Variants in CAST observed in about 807,000 individuals in gnomAD.
CAST encodes the protein calpastatin.
Under a neutral mutation model 119.6 loss-of-function variants are expected in CAST, and 76 were observed. The ratio of observed to expected loss-of-function variants is 0.64; its 90% CI spans 0.53 to 0.77. The LOEUF is 0.77. Ranked by LOEUF, CAST falls within the 30% of genes least tolerant of loss-of-function variation. CAST has a pLI of 0.00. For missense variants in CAST, 953 were observed against 946.5 expected, an observed-to-expected ratio of 1.01 and a Z score of -0.09; for synonymous variants, 319 against 331.6, an observed-to-expected ratio of 0.96 and a Z score of 0.41.
rs376780442 is a variant in CAST at position 96,619,856 on chromosome 5, A to G, written c.61-55683A>G. ...AGTCCTGCATCTGAAGAAACTCCTC[A>G]GTCTTAGGCAAGCCAGTATGGTGGG... On this transcript the variant is annotated intron_variant, in intron 1 of 11. Transcript: ENST00000505143. Among the ~76,000 whole-genome samples, 85 of 152,310 alleles carry G rather than the reference A, an allele frequency of 5.6e-4. No individual in the cohort carries two copies. The South Asian group carries it at 0.018, about 32-fold the overall frequency.
the CAST span, among the ~76,000 whole-genome samples, chr5:96,266,572 C>T: frequency 7.9e-5 from 12 of 152,098 alleles, no homozygotes; most frequent in Non-Finnish European, 1.5e-5. Context: ...ACTCTGTTTA[C>T]TAGAACTGAA....
At chr5:96,637,104 T>C (rs559356955) in intron 1 of CAST, among the ~76,000 whole-genome samples, 80 of 152,346 alleles carry the variant, frequency 5.3e-4, no homozygotes, top group African/African-American at 1.9e-3. Context: ...GGACAGAATA[T>C]AGTGCTCTGA....
At chr5:96,611,180 A>G (rs543245655) in intron 1 of CAST, among the ~76,000 whole-genome samples, 1 of 152,306 alleles carries the variant, frequency 6.6e-6, no homozygotes, top group African/African-American at 2.4e-5. Flanking sequence ...CAACAGAGTC[A>G]TAATAACCAA....
intron 2 of CAST, chr5:96,679,368 A>C (rs1218382901): frequency 6.6e-6 from 1 of 152,266 alleles, no homozygotes; most frequent in Non-Finnish European, 1.5e-5. Context: ...AGCCAAAGAT[A>C]AAATAACTAG....
the CAST span, among the ~76,000 whole-genome samples, chr5:96,450,875 A>G: frequency 6.6e-6 from 1 of 152,150 alleles, no homozygotes; most frequent in Non-Finnish European, 1.5e-5. Flanking sequence ...TCAATCTGGA[A>G]GCTCATTTTT....
chr5:96,603,305 G>T (rs1747190545), intron 1 of CAST, among the ~76,000 whole-genome samples: 1 of 152,170 alleles, frequency 6.6e-6, no homozygotes, highest in South Asian at 2.1e-4. Flanking sequence ...ATAACATTTA[G>T]CTTAAAAAGC....
At chr5:96,312,551 G>C in the CAST span, among the ~76,000 whole-genome samples, 1 of 152,038 alleles carries the variant, frequency 6.6e-6, no homozygotes, top group Non-Finnish European at 1.5e-5. Flanking sequence ...GTGTTTTTGA[G>C]AGGTAAGGCT....
chr5:96,421,760 A>G, the CAST span: 2 of 754,444 alleles, frequency 2.7e-6, no homozygotes, highest in African/African-American at 3.4e-5. Context: ...TGTGGTATGG[A>G]TGTTGTGCAT....
the CAST span, among the ~76,000 whole-genome samples, chr5:96,139,505 C>CATATATATATATGTGTATATATAT: frequency 1.5e-4 from 21 of 140,662 alleles, no homozygotes; most frequent in African/African-American, 1.9e-4. Flanking sequence ...TATATATATA[C>CATATATATATATGTGTATATATAT]ACATATATAT....
the CAST span, among the ~76,000 whole-genome samples, chr5:96,448,703 G>A: frequency 6.6e-6 from 1 of 151,830 alleles, no homozygotes; most frequent in East Asian, 1.9e-4. Context: ...GTATGCCCAG[G>A]TTTACCATAT....
chr5:96,123,015 G>A, the CAST span, among the ~76,000 whole-genome samples: 9 of 150,990 alleles, frequency 6.0e-5, no homozygotes, highest in Non-Finnish European at 1.3e-4. Flanking sequence ...CAATGTTCAG[G>A]ATGTAGTAGG....
chr5:95,975,131 A>C, the CAST span, among the ~76,000 whole-genome samples: 3 of 152,212 alleles, frequency 2.0e-5, no homozygotes, highest in Non-Finnish European at 4.4e-5. Context: ...CTGCATATAA[A>C]GTCACACCCC....
chr5:96,771,571 A>G (rs1772332541), intron 30 of CAST, 73 bp from the exon 31 acceptor site: 2 of 1,143,136 alleles, frequency 1.7e-6, no homozygotes, highest in Non-Finnish European at 2.6e-6. Context: ...TTGTCCCCTA[A>G]TTCTGAGAAG....
chr5:96,455,479 A>C, the CAST span, among the ~76,000 whole-genome samples: 2 of 150,424 alleles, frequency 1.3e-5, no homozygotes, highest in East Asian at 3.8e-4. Flanking sequence ...TCCAATAATT[A>C]AAAAGAGTTT....
At chr5:96,443,239 T>TATTA in the CAST span, among the ~76,000 whole-genome samples, 1 of 152,244 alleles carries the variant, frequency 6.6e-6, no homozygotes, top group African/African-American at 2.4e-5. Flanking sequence ...TTCCAGAGCT[T>TATTA]ATTAATGCTG....
intron 3 of CAST, among the ~76,000 whole-genome samples, chr5:96,698,524 G>A (rs552093434): frequency 2.0e-5 from 3 of 151,956 alleles, no homozygotes; most frequent in South Asian, 4.2e-4. Context: ...CACCCCTTCC[G>A]TTCTCATATT....
intron 1 of CAST, among the ~76,000 whole-genome samples, chr5:96,619,403 T>G (rs1038313155): frequency 2.6e-5 from 4 of 151,940 alleles, no homozygotes; most frequent in Non-Finnish European, 5.9e-5. Context: ...ACCAATCAGC[T>G]CTCTGTAAAA....
intron 1 of CAST, among the ~76,000 whole-genome samples, chr5:96,570,616 G>A (rs940406780): frequency 3.9e-5 from 6 of 152,106 alleles, no homozygotes; most frequent in Admixed American, 2.0e-4. Context: ...ATAGAATGAA[G>A]GTAAAGAGGA....
chr5:96,448,078 G>C, the CAST span, among the ~76,000 whole-genome samples: 1 of 151,880 alleles, frequency 6.6e-6, no homozygotes, highest in Non-Finnish European at 1.5e-5. Flanking sequence ...ACAAGAATCA[G>C]CTCAGGGCAT....
Sources: allele counts gnomAD v4.1 joint callset (sites outside exome capture counted in the v4.1 genomes callset), GRCh38; gene constraint gnomAD v4.1.1; transcripts MANE v1.5; gene names NCBI Gene and HGNC (gene_info 2026-07-23, HGNC 2026-07-21).